HR: variants seen among roughly 807,000 people sequenced by gnomAD.
HR encodes the protein lysine-specific demethylase hairless.
In HR, 83 loss-of-function variants were observed where a neutral mutation model predicts 128.6. That is an observed-to-expected ratio of 0.65 (90% CI 0.54 to 0.77). The LOEUF is 0.77. HR is among the 30% of genes least tolerant of loss of function. The probability of loss-of-function intolerance (pLI) is 0.00; values close to 1 mark genes in which losing one functional copy is unlikely to be tolerated. For missense variants in HR, 1,490 were observed against 1,574.6 expected (o/e 0.95, Z 0.91); for synonymous variants, 681 against 658.2 (o/e 1.03, Z -0.53).
rs574322741 is a variant in HR, at chr8:22,121,137, G to C, written c.2295C>G (p.Thr765=). The change falls in exon 10 of 19, where the codon ACC becomes ACG. Residue 765 remains threonine (T), a synonymous_variant. Coordinates refer to ENST00000381418, the MANE Select transcript of HR (RefSeq NM_005144.5). ...CPSLCELLAS[T]AVKLCLGHER... is the part of the protein sequence containing the mutation. ...CATGGCCCAAGCAGAGTTTGACCGC[G>C]GTAGAAGCCAGCAGTTCGCAGAGAG... 3.1e-6 allele frequency: 5 copies of C among 1,613,810 alleles called. No homozygotes were observed. The highest frequency in any genetic ancestry group is 4.2e-6 in the Non-Finnish European group (5 of 1,180,042).
intron 18 of HR, 96 bp from the exon 19 acceptor site, chr8:22,115,858 C>T (rs1414171595): frequency 5.0e-6 from 6 of 1,210,268 alleles, no homozygotes; most frequent in South Asian, 1.3e-5. Context: ...TGGCCAGATG[C>T]GGTGGCTCAC....
At chr8:22,119,913 C>G (rs1563174187) in intron 13 of HR, 23 bp from the exon 14 acceptor site, 3 of 1,612,718 alleles carry the variant, frequency 1.9e-6, no homozygotes, top group East Asian at 4.5e-5. Context: ...GGGGTCATGC[C>G]CAGCAGGCCC....
Position 22,128,539 on chromosome 8 carries a change from C to A in HR, c.612+20G>T. 6.2e-7 allele frequency: 1 copy of A among 1,611,470 alleles called. No individual in the cohort carries two copies. Reference sequence around the variant, plus strand: ...TTGCTAGGCCAGAGCCACAGGTACCCTCTCTGCCCCTGCACTCACCTTGCT... The same window carrying A: ...TTGCTAGGCCAGAGCCACAGGTACCATCTCTGCCCCTGCACTCACCTTGCT... On this transcript the variant is annotated intron_variant, in intron 2 of 18. Coordinates refer to ENST00000381418, the MANE Select transcript of HR (RefSeq NM_005144.5).
intron 14 of HR, 149 bp from the exon 15 acceptor site, chr8:22,119,432 C>T: frequency 2.5e-6 from 3 of 1,182,600 alleles, no homozygotes; most frequent in Non-Finnish European, 3.6e-6. Flanking sequence ...ATGGAGAAAC[C>T]CCCTCTCTAC....
chr8:22,128,372 G>T (rs1826956318), intron 2 of HR, 187 bp downstream of exon 2: 1 of 757,334 alleles, frequency 1.3e-6, no homozygotes, highest in Non-Finnish European at 2.2e-6. Flanking sequence ...GAGGCCTAGA[G>T]AGATGGAGCT....
intron 5 of HR, among the ~76,000 whole-genome samples, chr8:22,125,091 C>A (rs1826850188): frequency 6.6e-6 from 1 of 152,238 alleles, no homozygotes; most frequent in South Asian, 2.1e-4. Flanking sequence ...CAGTGCCTTG[C>A]AGATACTTGG....
Position 22,130,483 on chromosome 8 carries a change from C to G in HR, c.-96G>C, listed in dbSNP as rs1035120330. On this transcript the variant is annotated 5_prime_UTR_variant, in exon 1 of 19. Coordinates refer to ENST00000381418, the MANE Select transcript of HR (RefSeq NM_005144.5). Reference sequence around the variant, plus strand: ...CGGTGGCGGTCGTCGTGGCCGGCACCGGGCGCCTGCTCCCCATGGGCCAGC... The same window carrying G: ...CGGTGGCGGTCGTCGTGGCCGGCACGGGGCGCCTGCTCCCCATGGGCCAGC... The G allele has an allele frequency of 6.6e-6, 1 of 152,198 alleles. No homozygotes were observed. The highest frequency in any genetic ancestry group is 1.5e-5 in the Non-Finnish European group (1 of 68,030). The allele number at this position is 152,198 out of a possible 1,614,324, so 9.4% of individuals were successfully genotyped here. A position where few individuals can be genotyped will look rare whatever the true frequency, so the allele number is the denominator to read the frequency against.
Position 22,122,861 on chromosome 8 carries a change from G to A in HR, c.1934C>T (p.Ala645Val), listed in dbSNP as rs770986202. ...CCCGGCCTCCTGCGTGCACTCCTCC[G>A]CGGACTGCTCCTGAAAGCCTGTGGG... ...REKAGFQEQSAEECTQEAGHA... is the reference protein window; with the variant it reads ...REKAGFQEQSVEECTQEAGHA... The change falls in exon 7 of 19, where the codon GCG becomes GTG. Residue 645 changes from alanine (A) to valine (V), a missense_variant. Around this residue, in one of 3 missense-constraint regions of HR, gnomAD observed 1,060 missense variants for 1,060.9 expected, o/e 1.00. Transcript: ENST00000381418. The A allele has an allele frequency of 2.9e-5, 45 of 1,553,854 alleles. No individual in the cohort carries two copies. Among genetic ancestry groups the A allele is most frequent in the Middle Eastern group, 1.7e-4 (1 of 5,954 alleles).
chr8:22,119,665 G>T, intron 14 of HR, 95 bp downstream of exon 14: 1 of 1,419,368 alleles, frequency 7.0e-7, no homozygotes, highest in Non-Finnish European at 9.4e-7. Flanking sequence ...AAGCGCTTCA[G>T]GCCCCAGGGC....
Position 22,125,704 on chromosome 8 carries a change from C to G in HR, c.1434G>C (p.Gln478His). ...ATGGTATGTCCTGAAGTCCCGGGTC[C>G]TGGAGACTGGCCTGGCCATCTTGGG... ...KGPQDGQASLQDPGLQDIPCL... is the reference protein window; with the variant it reads ...KGPQDGQASLHDPGLQDIPCL... The change falls in exon 4 of 19, where the codon CAG becomes CAC. Residue 478 changes from glutamine (Q) to histidine (H), a missense_variant. Gln to His is a conservative substitution (Grantham distance 24, BLOSUM62 0). Around this residue, in one of 3 missense-constraint regions of HR, gnomAD observed 1,060 missense variants for 1,060.9 expected, o/e 1.00. Coordinates refer to ENST00000381418, the MANE Select transcript of HR (RefSeq NM_005144.5). 6.2e-7 allele frequency: 1 copy of G among 1,613,974 alleles called. No individual in the cohort carries two copies. The highest frequency in any genetic ancestry group is 8.5e-7 in the Non-Finnish European group (1 of 1,180,010).
intron 2 of HR, 52 bp downstream of exon 2, chr8:22,128,507 A>G (rs1197077527): frequency 6.2e-7 from 1 of 1,609,070 alleles, no homozygotes; most frequent in Non-Finnish European, 8.5e-7. Flanking sequence ...GGGACCACCG[A>G]GCAACTTTGC....
In HR at chr8:22,116,204, C is replaced by T; in HGVS notation, c.3507+96G>A. 1.3e-6 allele frequency: 2 copies of T among 1,566,976 alleles called. No individual in the cohort carries two copies. Among genetic ancestry groups the T allele is most frequent in the Non-Finnish European group, 1.8e-6 (2 of 1,141,802 alleles). On this transcript the variant is annotated intron_variant, in intron 18 of 18. Coordinates refer to ENST00000381418, the MANE Select transcript of HR (RefSeq NM_005144.5). This position sits in a 1 kb window ranked among gnomAD's most constrained non-coding sequence, Gnocchi z 4.2. ...CTGCACAGGGTGGCTGCCTGCTTGG[C>T]ACAGGGTGGGATCTGCTATGTCCAC...
intron 11 of HR, 71 bp from the exon 12 acceptor site, chr8:22,120,578 T>G: frequency 6.2e-7 from 1 of 1,600,394 alleles, no homozygotes; most frequent in Non-Finnish European, 8.5e-7. Flanking sequence ...CAAGGGCGTG[T>G]TGTAAGGGCA....
In HR at chr8:22,115,609, G is replaced by GT; in HGVS notation, c.*90dup. The GT allele has an allele frequency of 9.1e-7, 1 of 1,093,038 alleles. No homozygotes were observed. Among genetic ancestry groups the GT allele is most frequent in the Admixed American group, 1.8e-5 (1 of 55,480 alleles). The allele number at this position is 1,093,038 out of a possible 1,614,324, so 67.7% of individuals were successfully genotyped here. On this transcript the variant is annotated 3_prime_UTR_variant, in exon 19 of 19. Transcript: ENST00000381418. ...TGTGGGGTTGACCAGAAATCCCCAA[G>GT]TCCCCTAGCGCCATCCCCTGCTGAA...
chr8:22,123,617 T>TGGGGGGCCCCCC lies in HR; in HGVS notation c.1915+31_1915+32insGGGGGGCCCCCC. 1.2e-4 allele frequency: 35 copies of TGGGGGGCCCCCC among 292,084 alleles called. 1 individual carries two copies. The highest frequency in any genetic ancestry group is 1.9e-4 in the Non-Finnish European group (30 of 160,008). The allele number at this position is 292,084 out of a possible 1,614,324, so 18.1% of individuals were successfully genotyped here. A position where few individuals can be genotyped will look rare whatever the true frequency, so the allele number is the denominator to read the frequency against. ...TGCAGCAGTCCCCCTGAGGGCTCCA[T>TGGGGGGCCCCCC]CCCGCCCTCCCACCCCCAGCCCCTC... is the stretch of plus-strand genomic sequence containing the variant. On this transcript the variant is annotated intron_variant, in intron 6 of 18. Transcript: ENST00000381418.
Position 22,125,358 on chromosome 8 carries a change from C to A in HR, c.1703G>T (p.Arg568Leu), listed in dbSNP as rs764994300. 24 of 1,604,146 alleles carry A rather than the reference C, an allele frequency of 1.5e-5. No individual in the cohort carries two copies. In the Admixed American group the frequency reaches 3.1e-4, roughly 21 times the overall value. ...LLSGLGDRLC[R>L]LLRREREALA... ...GGCCTCCCGCTCCCTCCGCAGCAGG[C>A]GGCACAGTCGGTCCCCCAAACCACT... Residue 568 changes from arginine (R) to leucine (L), a missense_variant, in exon 5 of 19, where the codon CGC (arginine) becomes CTC (leucine). Arg to Leu is a moderately radical substitution (Grantham distance 102). Coordinates refer to ENST00000381418, the MANE Select transcript of HR (RefSeq NM_005144.5).
Position 22,115,743 on chromosome 8 carries a change from T to A in HR, c.3527A>T (p.Gln1176Leu). The A allele has an allele frequency of 6.2e-7, 1 of 1,613,980 alleles. No individual in the cohort carries two copies. Among genetic ancestry groups the A allele is most frequent in the Non-Finnish European group, 8.5e-7 (1 of 1,179,988 alleles). The change falls in exon 19 of 19, where the codon CAA becomes CTA. Residue 1176 changes from glutamine to leucine, a missense_variant. Gln to Leu is a moderately radical substitution (Grantham distance 113). This residue lies in a region of HR where 423 missense variants were observed against 495.9 expected (regional missense o/e 0.85). Transcript: ENST00000381418. ...LYAQMDWAVF[Q>L]AVKVAVGTLQ... is the part of the protein sequence containing the mutation. ...TGTCCCCACGGCCACCTTCACTGCT[T>A]GGAACACAGCCCAGTCCATCTAGGA...
chr8:22,116,782 G>A lies in HR; in HGVS notation c.3378+93C>T, dbSNP rs1332559633. ...CGGCTCCCTGCCCTGCCCGGCTCTT[G>A]GGTATTGAGGGGATGTTGGATGCCT... On this transcript the variant is annotated intron_variant, in intron 17 of 18. Coordinates refer to ENST00000381418, the MANE Select transcript of HR (RefSeq NM_005144.5). This position sits in a 1 kb window ranked among gnomAD's most constrained non-coding sequence, Gnocchi z 4.2. 41 of 1,472,640 alleles carry A rather than the reference G, an allele frequency of 2.8e-5. No homozygotes were observed. Among genetic ancestry groups the A allele is most frequent in the Non-Finnish European group, 3.6e-5 (39 of 1,089,180 alleles). 91.2% of individuals were successfully genotyped at this position (1,472,640 alleles called of 1,614,324 possible).
intron 16 of HR, chr8:22,118,524 T>C (rs1171758378): frequency 9.1e-6 from 2 of 218,986 alleles, no homozygotes; most frequent in East Asian, 1.2e-4. Flanking sequence ...AGGAAGAGCA[T>C]AGAGTAGTGA....
Sources: allele counts gnomAD v4.1 joint callset (sites outside exome capture counted in the v4.1 genomes callset), GRCh38; gene constraint gnomAD v4.1.1; regional missense constraint gnomAD v4.1.1; non-coding constraint Gnocchi (gnomAD v3.1); transcripts MANE v1.5; gene names NCBI Gene and HGNC (gene_info 2026-07-23, HGNC 2026-07-21).